The following CNTN6 variants were observed in gnomAD, a reference collection of about 807,000 sequenced individuals.
The protein encoded by CNTN6 is contactin 6.
A neutral mutation model predicts 122.8 loss-of-function variants in CNTN6; 137 were observed. The observed-to-expected ratio is 1.12, with a 90% CI of 0.97 to 1.29. The LOEUF (loss-of-function observed/expected upper bound fraction) is 1.29, where lower values mean the gene tolerates loss of function less well. CNTN6 is among the 50% of genes most tolerant of loss of function. The pLI is 0.00. For missense variants in CNTN6, 1,634 were observed against 1,223.4 expected, an observed-to-expected ratio of 1.34 and a Z score of -5.01; for synonymous variants, 570 against 426.0, an observed-to-expected ratio of 1.34 and a Z score of -4.16.
At chr3:1,233,162 A>AGTACAAT (rs1319476043) in intron 4 of CNTN6, among the ~76,000 whole-genome samples, 1 of 152,228 alleles carries the variant, frequency 6.6e-6, no homozygotes, top group African/African-American at 2.4e-5. Context: ...AATCCATCAT[A>AGTACAAT]GTACAATATT....
At chr3:1,287,245 T>C (rs1348343169) in intron 5 of CNTN6, among the ~76,000 whole-genome samples, 1 of 152,164 alleles carries the variant, frequency 6.6e-6, no homozygotes, top group Non-Finnish European at 1.5e-5. Flanking sequence ...AGTAATTCTT[T>C]ATTGGAAGAA....
At chr3:1,193,082 G>C (rs1385485185) in intron 2 of CNTN6, among the ~76,000 whole-genome samples, 1 of 152,164 alleles carries the variant, frequency 6.6e-6, no homozygotes, top group South Asian at 2.1e-4. Flanking sequence ...TGAAGTTGCT[G>C]TGTTGGCTTA....
chr3:1,284,727 A>C (rs1178540971), intron 5 of CNTN6, among the ~76,000 whole-genome samples: 2 of 152,226 alleles, frequency 1.3e-5, no homozygotes, highest in Non-Finnish European at 1.5e-5. Flanking sequence ...TTGCTATTGT[A>C]TATTCTAAGG....
intron 20 of CNTN6, among the ~76,000 whole-genome samples, chr3:1,388,300 A>G (rs1345948071): frequency 6.8e-6 from 1 of 147,710 alleles, no homozygotes; most frequent in Non-Finnish European, 1.5e-5. Context: ...CAGCAGGGGC[A>G]CACTGACACC....
intron 4 of CNTN6, among the ~76,000 whole-genome samples, chr3:1,272,794 C>A (rs922855096): frequency 6.6e-6 from 1 of 152,150 alleles, no homozygotes; most frequent in Non-Finnish European, 1.5e-5. Context: ...GCCTTGGCAG[C>A]AAATGTACAG....
At chr3:1,208,084 G>T (rs1252921126) in intron 2 of CNTN6, among the ~76,000 whole-genome samples, 3 of 151,826 alleles carry the variant, frequency 2.0e-5, no homozygotes, top group African/African-American at 4.8e-5. Context: ...TTATCTCAGT[G>T]GTTTCAAACG....
At chr3:1,234,089 A>G (rs2094392267) in intron 4 of CNTN6, among the ~76,000 whole-genome samples, 1 of 152,182 alleles carries the variant, frequency 6.6e-6, no homozygotes, top group Non-Finnish European at 1.5e-5. Flanking sequence ...ATTCTTAACC[A>G]TGTTTTACAG....
At chr3:1,268,963 A>T (rs959531875) in intron 4 of CNTN6, among the ~76,000 whole-genome samples, 2 of 152,202 alleles carry the variant, frequency 1.3e-5, no homozygotes, top group Non-Finnish European at 2.9e-5. Flanking sequence ...CCGAGGCAAG[A>T]GAGTGAGACC....
intron 5 of CNTN6, among the ~76,000 whole-genome samples, chr3:1,295,344 A>C (rs1575590376): frequency 6.6e-6 from 1 of 152,158 alleles, no homozygotes; most frequent in East Asian, 1.9e-4. Flanking sequence ...TTATTTCCAT[A>C]ACATCCTATT....
chr3:1,094,570 C>T (rs1473722865), intron 1 of CNTN6, among the ~76,000 whole-genome samples: 2 of 151,972 alleles, frequency 1.3e-5, no homozygotes, highest in African/African-American at 4.8e-5. Context: ...GCATTACTTC[C>T]TTTGAATATT....
chr3:1,108,785 A>G (rs1025476772), intron 1 of CNTN6, among the ~76,000 whole-genome samples: 2 of 152,074 alleles, frequency 1.3e-5, no homozygotes. Context: ...ACTTTTTAGA[A>G]AAAGTTTTGA....
intron 4 of CNTN6, among the ~76,000 whole-genome samples, chr3:1,270,472 C>T (rs1559665216): frequency 6.6e-6 from 1 of 152,138 alleles, no homozygotes; most frequent in Non-Finnish European, 1.5e-5. Flanking sequence ...TTCTTGGTGT[C>T]TTTCACCATT....
chr3:1,116,871 A>T (rs1008215506), intron 1 of CNTN6, among the ~76,000 whole-genome samples: 2 of 151,954 alleles, frequency 1.3e-5, no homozygotes, highest in Non-Finnish European at 2.9e-5. Context: ...CGCATGGCTA[A>T]TTTTTGTATT....
chr3:1,132,675 A>AAATAAATAAATAAAT, intron 1 of CNTN6, among the ~76,000 whole-genome samples: 1 of 151,618 alleles, frequency 6.6e-6, no homozygotes, highest in East Asian at 1.9e-4. Flanking sequence ...ATAAATAAAT[A>AAATAAATAAATAAAT]AATAAATAAA....
intron 2 of CNTN6, 45 bp downstream of exon 2, chr3:1,148,108 G>A (rs751010263): frequency 1.2e-5 from 18 of 1,461,560 alleles, no homozygotes; most frequent in Non-Finnish European, 1.7e-5. Context: ...AAATATATTG[G>A]CATTGTATTT....
At chr3:1,134,294 C>T (rs2092416123) in intron 1 of CNTN6, among the ~76,000 whole-genome samples, 1 of 152,154 alleles carries the variant, frequency 6.6e-6, no homozygotes, top group Non-Finnish European at 1.5e-5. Flanking sequence ...AGAGTTGTTG[C>T]TCCATTTACT....
intron 1 of CNTN6, among the ~76,000 whole-genome samples, chr3:1,108,345 A>G (rs2091323994): frequency 6.6e-6 from 1 of 152,032 alleles, no homozygotes; most frequent in Admixed American, 6.6e-5. Flanking sequence ...AACAAAATTC[A>G]TTTGTATTTT....
chr3:1,130,435 G>A (rs998778131), intron 1 of CNTN6, among the ~76,000 whole-genome samples: 1 of 152,060 alleles, frequency 6.6e-6, no homozygotes, highest in Non-Finnish European at 1.5e-5. Context: ...GAGAGTTAAT[G>A]CTCCCCAGAG....
chr3:1,324,335 C>T (rs73093271), intron 8 of CNTN6, among the ~76,000 whole-genome samples: 24,978 of 149,204 alleles, frequency 0.17, 3,573 homozygotes, highest in African/African-American at 0.3. Flanking sequence ...TTATATTGTG[C>T]ACAATTTCGA....
Sources: allele counts gnomAD v4.1 joint callset (sites outside exome capture counted in the v4.1 genomes callset), GRCh38; gene constraint gnomAD v4.1.1; transcripts MANE v1.5; gene names NCBI Gene and HGNC (gene_info 2026-07-23, HGNC 2026-07-21).